The following USP13 variants were observed in gnomAD, a reference collection of about 807,000 sequenced individuals.
USP13 encodes the protein ubiquitin carboxyl-terminal hydrolase 13.
In USP13, 68 loss-of-function variants were observed where a neutral mutation model predicts 107.8. That is an observed-to-expected ratio of 0.63 (90% CI 0.52 to 0.77). USP13 has a LOEUF of 0.77. Among genes scored for constraint, USP13 ranks in the 30% least tolerant of loss-of-function variants. The pLI, the probability that USP13 is intolerant of heterozygous loss-of-function variation, is 0.00. For missense variants in USP13, 945 were observed against 1,093.3 expected (o/e 0.86, Z 1.91); for synonymous variants, 377 against 389.5 (o/e 0.97, Z 0.38).
chr3:179,680,666 C>T (rs994760241), intron 1 of USP13, among the ~76,000 whole-genome samples: 1 of 152,106 alleles, frequency 6.6e-6, no homozygotes, highest in Non-Finnish European at 1.5e-5. Flanking sequence ...CCTCAGCCTA[C>T]CGAGTAGCTG....
In USP13 at chr3:179,653,204, G is replaced by A. The variant is rs1287661136; in HGVS notation, c.-22G>A. On this transcript the variant is annotated 5_prime_UTR_variant, in exon 1 of 21. Coordinates refer to ENST00000263966, the MANE Select transcript of USP13 (RefSeq NM_003940.3). This position sits in a 1 kb window ranked among gnomAD's most constrained non-coding sequence, Gnocchi z 4.0. ...GCTCCGGCTCCGGCTCGGCTCGCTC[G>A]GCTCCGGTGCGCGCCGAGGCCATGC... 27 of 1,384,766 alleles carry A rather than the reference G, an allele frequency of 1.9e-5. No homozygotes were observed. In the East Asian group the frequency reaches 6.8e-4, roughly 35 times the overall value. 85.8% of individuals were successfully genotyped at this position (1,384,766 alleles called of 1,614,324 possible).
chr3:179,758,062 G>A (rs758979135), intron 16 of USP13, among the ~76,000 whole-genome samples: 2 of 152,028 alleles, frequency 1.3e-5, no homozygotes, highest in African/African-American at 4.8e-5. Flanking sequence ...GATCTCACTG[G>A]GACAGGTCTA....
chr3:179,731,686 T>C (rs773071810), intron 10 of USP13, among the ~76,000 whole-genome samples: 2 of 152,164 alleles, frequency 1.3e-5, no homozygotes, highest in Non-Finnish European at 2.9e-5. Context: ...CATAACTTGG[T>C]CTTTTTGAGT....
chr3:179,742,575 T>C lies in USP13; in HGVS notation c.1534+225T>C, dbSNP rs1156592186. Among the ~76,000 whole-genome samples, 1 of 152,254 alleles carries C rather than the reference T, an allele frequency of 6.6e-6. No homozygotes were observed. The highest frequency in any genetic ancestry group is 1.5e-5 in the Non-Finnish European group (1 of 68,046). ...TTATGGAGGCGTTATGGTTGGAACC[T>C]ACGTCACTGCCTATAAATTTGGCCA... On this transcript the variant is annotated intron_variant, in intron 12 of 20. Transcript: ENST00000263966. The surrounding 1 kb of genome is among the most constrained non-coding windows in gnomAD (Gnocchi z 5.0).
intron 20 of USP13, among the ~76,000 whole-genome samples, chr3:179,783,808 C>T (rs924541315): frequency 3.3e-5 from 5 of 150,694 alleles, no homozygotes; most frequent in African/African-American, 1.2e-4. Flanking sequence ...TTCGAAGCTT[C>T]AGATTGTGCT....
chr3:179,745,272 G>A (rs1714361158), intron 13 of USP13, 55 bp downstream of exon 13: 2 of 1,552,058 alleles, frequency 1.3e-6, no homozygotes, highest in East Asian at 2.3e-5. Flanking sequence ...TGAGGGGTGG[G>A]GACAGGGGTA....
rs1166561775 is a variant in USP13, at chr3:179,724,080, A to C, written c.1088+2491A>C. ...GAGGCTGAGGTGGGAGGATTGCTTG[A>C]TCCCAGGAGTCTGAGGTTGCAGTAA... On this transcript the variant is annotated intron_variant, in intron 8 of 20. Coordinates refer to ENST00000263966, the MANE Select transcript of USP13 (RefSeq NM_003940.3). Among the ~76,000 whole-genome samples, 4 of 151,888 alleles carry C rather than the reference A, an allele frequency of 2.6e-5. No homozygotes were observed. The East Asian group carries it at 7.7e-4, about 29-fold the overall frequency.
chr3:179,728,119 G>A (rs1713621677), intron 8 of USP13, among the ~76,000 whole-genome samples: 2 of 114,874 alleles, frequency 1.7e-5, no homozygotes. Flanking sequence ...GCCGGGCAGA[G>A]GGGCTCCTCA....
chr3:179,672,131 A>C (rs138126167), intron 1 of USP13, among the ~76,000 whole-genome samples: 5 of 152,324 alleles, frequency 3.3e-5, no homozygotes, highest in Non-Finnish European at 7.3e-5. Flanking sequence ...TAAAATGACT[A>C]TTCACTTGCT....
At chr3:179,709,535 A>G (rs1712846915) in intron 6 of USP13, among the ~76,000 whole-genome samples, 1 of 152,234 alleles carries the variant, frequency 6.6e-6, no homozygotes, top group Non-Finnish European at 1.5e-5. Flanking sequence ...TGTCAGCTTC[A>G]GAGTTGGTTC....
intron 16 of USP13, among the ~76,000 whole-genome samples, chr3:179,758,019 C>T (rs1210388585): frequency 2.0e-5 from 3 of 152,164 alleles, no homozygotes; most frequent in East Asian, 3.9e-4. Flanking sequence ...TTTCAACGGT[C>T]TACAACTCTA....
rs1560088048 is a variant in USP13, at chr3:179,786,331, G to A, written c.*2190G>A. On this transcript the variant is annotated 3_prime_UTR_variant, in exon 21 of 21. Coordinates refer to ENST00000263966, the MANE Select transcript of USP13 (RefSeq NM_003940.3). ...TGGGGGTGACTGGGTGGTTTGGATT[G>A]AAATGTGGACAAAGATAGCATGTGT... 6.6e-6 allele frequency: 1 copy of A among 152,180 alleles called. No homozygotes were observed. Among genetic ancestry groups the A allele is most frequent in the African/African-American group, 2.4e-5 (1 of 41,446 alleles). The allele number at this position is 152,180 out of a possible 1,614,324, so 9.4% of individuals were successfully genotyped here.
intron 17 of USP13, among the ~76,000 whole-genome samples, chr3:179,763,237 C>CT (rs1226002174): frequency 6.6e-6 from 1 of 151,962 alleles, no homozygotes; most frequent in Admixed American, 6.6e-5. Flanking sequence ...TCCAATTTAT[C>CT]TTTTTTTTCT....
chr3:179,683,552 G>A (rs1711751752), intron 2 of USP13, among the ~76,000 whole-genome samples: 1 of 152,142 alleles, frequency 6.6e-6, no homozygotes, highest in Non-Finnish European at 1.5e-5. Context: ...ATGGTAGCAG[G>A]CAAAGAGAGA....
At chr3:179,692,956 T>C (rs1712160590) in intron 3 of USP13, among the ~76,000 whole-genome samples, 1 of 152,150 alleles carries the variant, frequency 6.6e-6, no homozygotes, top group African/African-American at 2.4e-5. Flanking sequence ...TTTCTACAGG[T>C]TATTCTCTGT....
chr3:179,720,677 A>C (rs1576950800), intron 7 of USP13, among the ~76,000 whole-genome samples: 3 of 134,228 alleles, frequency 2.2e-5, no homozygotes, highest in Admixed American at 7.4e-5. Context: ...TCTTCTTTAC[A>C]CCTCCCTCCT....
At chr3:179,759,197 G>T in intron 16 of USP13, among the ~76,000 whole-genome samples, 1 of 151,928 alleles carries the variant, frequency 6.6e-6, no homozygotes, top group Non-Finnish European at 1.5e-5. Context: ...TAGCTAGGCT[G>T]GTCTCGAACT....
At chr3:179,700,512 A>C (rs946269850) in intron 3 of USP13, among the ~76,000 whole-genome samples, 4 of 152,176 alleles carry the variant, frequency 2.6e-5, no homozygotes, top group Non-Finnish European at 4.4e-5. Flanking sequence ...AAGTAACATT[A>C]AGTTTTGGAG....
At chr3:179,701,980 T>G (rs1712542788) in intron 4 of USP13, among the ~76,000 whole-genome samples, 2 of 152,164 alleles carry the variant, frequency 1.3e-5, no homozygotes. Context: ...CACTTTGTCC[T>G]CTTTCCTTTT....
Sources: gnomAD v4.1 joint callset for allele counts (sites outside exome capture counted in the v4.1 genomes callset) on GRCh38, gnomAD v4.1.1 for gene constraint, Gnocchi (gnomAD v3.1) non-coding constraint, MANE v1.5 for transcripts, NCBI Gene and HGNC (gene_info 2026-07-23, HGNC 2026-07-21) for gene names.